The following TFPI variants were observed in gnomAD, a reference collection of about 807,000 sequenced individuals.
The protein encoded by TFPI is anti-convertin.
TFPI carries 15 observed loss-of-function variants against 34.6 expected under a neutral mutation model. The ratio of observed to expected loss-of-function variants is 0.43; its 90% CI spans 0.29 to 0.67. The LOEUF is 0.67. Ranked by LOEUF, TFPI falls within the 30% of genes least tolerant of loss-of-function variation. TFPI has a pLI of 0.15. For missense variants in TFPI, 301 were observed against 364.0 expected (o/e 0.83, Z 1.41); for synonymous variants, 105 against 120.1 (o/e 0.87, Z 0.82).
At chr2:187,504,466 GTGATAAGCCATCACTCTTACACTCTA>G (rs1686060448) in intron 1 of TFPI, among the ~76,000 whole-genome samples, 1 of 151,102 alleles carries the variant, frequency 6.6e-6, no homozygotes, top group Non-Finnish European at 1.5e-5. Flanking sequence ...GTGACTCTAA[GTGATAAGCCATCACTCTTACACTCTA>G]AAGGAATCAG....
chr2:187,545,729 C>T (rs1688822847), intron 1 of TFPI, among the ~76,000 whole-genome samples: 1 of 151,678 alleles, frequency 6.6e-6, no homozygotes, highest in Admixed American at 6.6e-5. Context: ...AGTTAAGAAA[C>T]ATATTTAAAC....
chr2:187,467,467 A>G (rs963939032), intron 7 of TFPI, among the ~76,000 whole-genome samples: 1 of 152,114 alleles, frequency 6.6e-6, no homozygotes. Context: ...AGAAAGCTTA[A>G]AACAATTTTG....
intron 3 of TFPI, among the ~76,000 whole-genome samples, chr2:187,492,172 G>A (rs1248340124): frequency 1.3e-5 from 2 of 151,966 alleles, no homozygotes; most frequent in Non-Finnish European, 2.9e-5. Flanking sequence ...TACTTCTTTG[G>A]CTGTGCAGAA....
Position 187,484,994 on chromosome 2 carries a change from A to G in TFPI, c.359-7T>C, listed in dbSNP as rs1693154498. 6.8e-7 allele frequency: 1 copy of G among 1,478,388 alleles called. No homozygotes were observed. The highest frequency in any genetic ancestry group is 9.0e-7 in the Non-Finnish European group (1 of 1,116,814). 91.6% of individuals were successfully genotyped at this position (1,478,388 alleles called of 1,614,324 possible). On this transcript the variant is annotated splice_region_variant and splice_polypyrimidine_tract_variant and intron_variant, in intron 4 of 7. Coordinates refer to ENST00000233156, the MANE Select transcript of TFPI (RefSeq NM_006287.6). ...AAGCAGAAATCTGGCTTTTCTAGAA[A>G]TTATAAAAATGTCAGAAAGCAATAT...
At chr2:187,538,766 G>C (rs778638840) in intron 1 of TFPI, among the ~76,000 whole-genome samples, 39 of 151,988 alleles carry the variant, frequency 2.6e-4, no homozygotes, top group African/African-American at 5.3e-4. Context: ...AAACTGACTT[G>C]CATAACCTTA....
intron 1 of TFPI, among the ~76,000 whole-genome samples, chr2:187,534,599 C>T (rs975155896): frequency 3.3e-5 from 5 of 152,210 alleles, no homozygotes; most frequent in Middle Eastern, 3.4e-3. Context: ...CAATCGGTAC[C>T]AGCCACTGCA....
chr2:187,504,159 C>G (rs1686039284), intron 1 of TFPI, among the ~76,000 whole-genome samples: 1 of 152,096 alleles, frequency 6.6e-6, no homozygotes, highest in Admixed American at 6.6e-5. Flanking sequence ...TCAGTCAGAA[C>G]CAATAATTAT....
intron 2 of TFPI, among the ~76,000 whole-genome samples, chr2:187,497,489 CAT>C (rs945678096): frequency 1.3e-5 from 2 of 151,846 alleles, no homozygotes; most frequent in African/African-American, 2.4e-5. Context: ...TTCACATTCA[CAT>C]ATATATATAC....
At chr2:187,470,367 A>G (rs1368037887) in intron 6 of TFPI, among the ~76,000 whole-genome samples, 1 of 152,192 alleles carries the variant, frequency 6.6e-6, no homozygotes, top group Non-Finnish European at 1.5e-5. Context: ...TTTCCCACAT[A>G]CAACCTATAG....
At chr2:187,512,538 C>A (rs1331210713) in intron 1 of TFPI, among the ~76,000 whole-genome samples, 1 of 150,130 alleles carries the variant, frequency 6.7e-6, no homozygotes, top group Non-Finnish European at 1.5e-5. Flanking sequence ...AAAAAGCCAT[C>A]TATACCAATT....
chr2:187,480,884 T>C (rs1054572500), intron 6 of TFPI, among the ~76,000 whole-genome samples: 1 of 152,160 alleles, frequency 6.6e-6, no homozygotes, highest in South Asian at 2.1e-4. Context: ...GAATTGTGCT[T>C]AGTAAGTATT....
chr2:187,553,439 C>T (rs938317396), intron 1 of TFPI, among the ~76,000 whole-genome samples: 4 of 151,970 alleles, frequency 2.6e-5, no homozygotes, highest in Non-Finnish European at 4.4e-5. Context: ...AGTGCTTTTT[C>T]ATAATTAAAT....
chr2:187,471,588 C>A (rs1367760689), intron 6 of TFPI, among the ~76,000 whole-genome samples: 1 of 151,784 alleles, frequency 6.6e-6, no homozygotes, highest in African/African-American at 2.4e-5. Context: ...TGTCTTGATT[C>A]TGCCATTAAT....
chr2:187,541,851 G>A (rs926931502), intron 1 of TFPI, among the ~76,000 whole-genome samples: 48 of 152,124 alleles, frequency 3.2e-4, no homozygotes, highest in African/African-American at 1.2e-3. Flanking sequence ...TTGGGAAGCC[G>A]CAGTTACACA....
At chr2:187,492,642 T>A (rs943205938) in intron 3 of TFPI, among the ~76,000 whole-genome samples, 2 of 152,030 alleles carry the variant, frequency 1.3e-5, no homozygotes. Context: ...AGACATGGAG[T>A]CAAAGGAGAT....
intron 1 of TFPI, among the ~76,000 whole-genome samples, chr2:187,545,645 AT>A (rs1394175101): frequency 6.6e-6 from 1 of 152,178 alleles, no homozygotes; most frequent in Non-Finnish European, 1.5e-5. Flanking sequence ...TAAATTTCAG[AT>A]TACTTACAAT....
intron 1 of TFPI, among the ~76,000 whole-genome samples, chr2:187,537,684 A>G (rs1319432649): frequency 6.6e-6 from 1 of 152,250 alleles, no homozygotes; most frequent in Non-Finnish European, 1.5e-5. Context: ...ATGGCCGAAG[A>G]CTTCATCACT....
At chr2:187,486,729 C>T (rs1324863617) in intron 4 of TFPI, among the ~76,000 whole-genome samples, 8 of 151,596 alleles carry the variant, frequency 5.3e-5, no homozygotes, top group Non-Finnish European at 1.2e-4. Context: ...AATTTGCATA[C>T]ATAACCCTTG....
chr2:187,546,282 G>GT (rs34692721), intron 1 of TFPI, among the ~76,000 whole-genome samples: 15,790 of 134,972 alleles, frequency 0.12, 1,205 homozygotes, highest in East Asian at 0.28. Flanking sequence ...AAATTTGTAA[G>GT]TTTTTTTTTT....
Sources: allele counts gnomAD v4.1 joint callset (sites outside exome capture counted in the v4.1 genomes callset), GRCh38; gene constraint gnomAD v4.1.1; transcripts MANE v1.5; gene names NCBI Gene and HGNC (gene_info 2026-07-23, HGNC 2026-07-21).